RASSF8: variants seen among roughly 807,000 people sequenced by gnomAD.
RASSF8 encodes the protein ras association domain-containing protein 8.
A neutral mutation model predicts 48.5 loss-of-function variants in RASSF8; 22 were observed. The ratio of observed to expected loss-of-function variants is 0.45; its 90% CI spans 0.32 to 0.65. The LOEUF is 0.65. Among genes scored for constraint, RASSF8 ranks in the 30% least tolerant of loss-of-function variants. The probability of loss-of-function intolerance (pLI) is 0.03; values close to 1 mark genes in which losing one functional copy is unlikely to be tolerated. For synonymous variants in RASSF8, 127 were observed against 171.5 expected (o/e 0.74, Z 2.03); for missense variants, 418 against 489.2 (o/e 0.85, Z 1.37).
At chr12:26,014,365 C>T (rs939244658) in intron 2 of RASSF8, among the ~76,000 whole-genome samples, 1 of 152,170 alleles carries the variant, frequency 6.6e-6, no homozygotes, top group Non-Finnish European at 1.5e-5. Flanking sequence ...CAAGATAAAA[C>T]GTATGTGCTA....
In RASSF8 at chr12:26,018,334, A is replaced by G. The variant is rs745693899; in HGVS notation, c.-109+23204A>G. ...AAACTATTTTTGAAATAGCTCTAGAACCTTTTTTTAATAAATCAATTTTTT... is the reference window on the plus strand; with the variant it reads ...AAACTATTTTTGAAATAGCTCTAGAGCCTTTTTTTAATAAATCAATTTTTT... On this transcript the variant is annotated intron_variant, in intron 2 of 5. Transcript: ENST00000689635. Among the ~76,000 whole-genome samples the G allele has an allele frequency of 2.4e-4, 36 of 152,026 alleles. 1 individual carries two copies. Among genetic ancestry groups the G allele is most frequent in the Admixed American group, 4.6e-4 (7 of 15,270 alleles).
chr12:26,070,425 G>T lies in RASSF8; in HGVS notation c.*1607G>T. On this transcript the variant is annotated 3_prime_UTR_variant, in exon 6 of 6. Transcript: ENST00000689635. The stretch of plus-strand genomic sequence containing the variant: ...TCATAATGCAGAGTTGCCTTTTCTA[G>T]TGCAGCTAAGTGGCGGACCTCAACT... The T allele has an allele frequency of 1.0e-6, 1 of 985,342 alleles. No individual in the cohort carries two copies. The highest frequency in any genetic ancestry group is 4.7e-5 in the South Asian group (1 of 21,290). The allele number at this position is 985,342 out of a possible 1,614,324, so 61.0% of individuals were successfully genotyped here.
intron 2 of RASSF8, among the ~76,000 whole-genome samples, chr12:26,014,006 G>T (rs1276505480): frequency 6.6e-6 from 1 of 152,146 alleles, no homozygotes; most frequent in Non-Finnish European, 1.5e-5. Flanking sequence ...TCAGACCTGT[G>T]GTATTGGTTT....
At chr12:26,005,510 A>G (rs1942369575) in intron 2 of RASSF8, among the ~76,000 whole-genome samples, 1 of 152,216 alleles carries the variant, frequency 6.6e-6, no homozygotes, top group South Asian at 2.1e-4. Context: ...TGCAGTAGAG[A>G]AAATGTAAAA....
downstream of RASSF8, among the ~76,000 whole-genome samples, chr12:26,073,877 T>C (rs576930975): frequency 2.7e-5 from 4 of 150,924 alleles, no homozygotes; most frequent in East Asian, 7.8e-4. Flanking sequence ...CAAAGTAGTA[T>C]TTATTGAGCC....
intron 2 of RASSF8, among the ~76,000 whole-genome samples, chr12:26,005,877 T>TG (rs1404310446): frequency 2.0e-5 from 3 of 152,238 alleles, no homozygotes; most frequent in Non-Finnish European, 4.4e-5. Flanking sequence ...TTTCAATACT[T>TG]GTGACAGTTT....
chr12:25,996,419 A>G (rs1942134949), intron 2 of RASSF8, among the ~76,000 whole-genome samples: 1 of 152,158 alleles, frequency 6.6e-6, no homozygotes, highest in Non-Finnish European at 1.5e-5. Flanking sequence ...TTTATTAAGG[A>G]GGATCTATGT....
intron 1 of RASSF8, among the ~76,000 whole-genome samples, chr12:25,969,071 G>T (rs547206964): frequency 5.3e-5 from 8 of 152,182 alleles, no homozygotes; most frequent in Admixed American, 2.0e-4. Context: ...GGGTAAGGCT[G>T]GGGGGAGCAA....
At chr12:26,042,147 A>T (rs1943278863) in intron 2 of RASSF8, among the ~76,000 whole-genome samples, 1 of 152,206 alleles carries the variant, frequency 6.6e-6, no homozygotes, top group Non-Finnish European at 1.5e-5. Context: ...GAGCATGGCA[A>T]TTTAAGGATT....
At chr12:26,018,170 C>CT (rs1209894548) in intron 2 of RASSF8, among the ~76,000 whole-genome samples, 6 of 152,004 alleles carry the variant, frequency 3.9e-5, no homozygotes, top group South Asian at 4.1e-4. Context: ...TTTTTGTTTA[C>CT]TTTTTTTAAA....
chr12:25,992,296 T>G (rs1190599063), intron 1 of RASSF8, among the ~76,000 whole-genome samples: 2 of 152,242 alleles, frequency 1.3e-5, no homozygotes, highest in African/African-American at 2.4e-5. Context: ...AAACAGTTGT[T>G]GAAGAACATG....
Position 26,027,825 on chromosome 12 carries a change from T to C in RASSF8, c.-108-27411T>C, listed in dbSNP as rs78259271. On this transcript the variant is annotated intron_variant, in intron 2 of 5. Coordinates refer to ENST00000689635, the MANE Select transcript of RASSF8 (RefSeq NM_001394098.1). ...GGATAGAATGAGAAGCATAGAGGAC[T>C]GAGCCAGAAATTCAATAATGTTAGC... Among the ~76,000 whole-genome samples, 778 of 152,320 alleles carry C rather than the reference T, an allele frequency of 5.1e-3. 8 individuals carry two copies. The highest frequency in any genetic ancestry group is 0.017 in the African/African-American group (716 of 41,582).
At chr12:26,078,928 G>A in intron 5 of RASSF8, 1 of 1,100,646 alleles carries the variant, frequency 9.1e-7, no homozygotes. Context: ...AAAAGACAAA[G>A]ACCCAAACTA....
At chr12:26,072,940 CAA>C (rs1944028581), downstream of RASSF8, 1 of 584,468 alleles carries the variant, frequency 1.7e-6, no homozygotes, top group Non-Finnish European at 2.2e-6. Context: ...TAAAAGATAC[CAA>C]AGAGAATAGT....
intron 1 of RASSF8, among the ~76,000 whole-genome samples, chr12:25,970,028 G>A (rs939081104): frequency 9.9e-5 from 15 of 151,740 alleles, no homozygotes; most frequent in African/African-American, 3.4e-4. Context: ...GGAAGCCCAC[G>A]AGCTCCCTGA....
intron 2 of RASSF8, among the ~76,000 whole-genome samples, chr12:26,047,194 G>C (rs1270589558): frequency 6.6e-6 from 1 of 152,070 alleles, no homozygotes; most frequent in African/African-American, 2.4e-5. Flanking sequence ...TTATAATACT[G>C]CAGCAAGAAA....
chr12:25,979,469 A>T (rs1941687080), intron 1 of RASSF8, among the ~76,000 whole-genome samples: 1 of 152,124 alleles, frequency 6.6e-6, no homozygotes, highest in Non-Finnish European at 1.5e-5. Flanking sequence ...CACTGAGTTG[A>T]GGATTGTGAA....
downstream of RASSF8, among the ~76,000 whole-genome samples, chr12:26,073,342 G>A (rs1005487968): frequency 3.3e-5 from 5 of 152,114 alleles, no homozygotes; most frequent in African/African-American, 4.8e-5. Context: ...TGAGCTTTAC[G>A]GTGCCCAGTT....
chr12:25,992,840 C>T (rs1025515347), intron 1 of RASSF8, among the ~76,000 whole-genome samples: 3 of 152,168 alleles, frequency 2.0e-5, no homozygotes, highest in Admixed American at 1.3e-4. Context: ...CCTGCCAGAG[C>T]TCATGTTTGT....
Sources: allele counts gnomAD v4.1 joint callset (sites outside exome capture counted in the v4.1 genomes callset), GRCh38; gene constraint gnomAD v4.1.1; transcripts MANE v1.5; gene names NCBI Gene and HGNC (gene_info 2026-07-23, HGNC 2026-07-21).